The following FANCC variants were observed in gnomAD, a reference collection of about 807,000 sequenced individuals.
FANCC encodes Fanconi anemia group C protein.
In FANCC, 55 loss-of-function variants were observed where a neutral mutation model predicts 71.3. That is an observed-to-expected ratio of 0.77 (90% CI 0.62 to 0.97). The LOEUF (loss-of-function observed/expected upper bound fraction) is 0.97, where lower values mean the gene tolerates loss of function less well. Among genes scored for constraint, FANCC ranks in the 50% least tolerant of loss-of-function variants. FANCC has a pLI of 0.00. For missense variants in FANCC, 678 were observed against 670.9 expected (o/e 1.01, Z -0.12); for synonymous variants, 275 against 244.9 (o/e 1.12, Z -1.15).
At chr9:95,159,035 T>C (rs1484990664) in intron 6 of FANCC, among the ~76,000 whole-genome samples, 1 of 149,216 alleles carries the variant, frequency 6.7e-6, no homozygotes, top group African/African-American at 2.4e-5. Flanking sequence ...TTTTTGACCT[T>C]TTTTTTTTTA....
chr9:95,287,650 G>A (rs193215561), intron 1 of FANCC, among the ~76,000 whole-genome samples: 1 of 152,192 alleles, frequency 6.6e-6, no homozygotes, highest in Non-Finnish European at 1.5e-5. Context: ...TCAATCTGAT[G>A]ATGCTGGATG....
At chr9:95,224,198 G>A (rs1326461518) in intron 4 of FANCC, among the ~76,000 whole-genome samples, 1 of 152,062 alleles carries the variant, frequency 6.6e-6, no homozygotes, top group Non-Finnish European at 1.5e-5. Context: ...TACTTGATGG[G>A]TCTTTGCAAA....
At chr9:95,217,159 T>C (rs1828914317) in intron 4 of FANCC, among the ~76,000 whole-genome samples, 1 of 152,126 alleles carries the variant, frequency 6.6e-6, no homozygotes, top group Non-Finnish European at 1.5e-5. Context: ...CAGAAAGATA[T>C]GTGGAAAAGC....
chr9:95,136,409 T>C (rs1380013573), intron 7 of FANCC, among the ~76,000 whole-genome samples: 1 of 151,720 alleles, frequency 6.6e-6, no homozygotes, highest in Non-Finnish European at 1.5e-5. Context: ...ATTTCATATA[T>C]GGTAGTTATG....
intron 4 of FANCC, among the ~76,000 whole-genome samples, chr9:95,196,949 G>A (rs999849853): frequency 6.6e-6 from 1 of 152,098 alleles, no homozygotes; most frequent in Admixed American, 6.5e-5. Flanking sequence ...CCTTTCCCTG[G>A]ACTCTGACTG....
intron 1 of FANCC, among the ~76,000 whole-genome samples, chr9:95,290,727 T>C (rs994891159): frequency 2.6e-5 from 4 of 151,982 alleles, no homozygotes; most frequent in South Asian, 2.1e-4. Context: ...AAAAGACAAA[T>C]TGCTTTCAAG....
At chr9:95,109,103 CAG>C (rs761716970) in intron 13 of FANCC, among the ~76,000 whole-genome samples, 152 of 152,094 alleles carry the variant, frequency 1.0e-3, no homozygotes, top group Non-Finnish European at 1.8e-3. Flanking sequence ...TTTGTAGAGA[CAG>C]GGGTCTATGT....
At chr9:95,191,279 GGCCCAGCCCA>G (rs546493500) in intron 4 of FANCC, among the ~76,000 whole-genome samples, 6 of 150,122 alleles carry the variant, frequency 4.0e-5, no homozygotes, top group East Asian at 2.0e-4. Context: ...AACCTCACAA[GGCCCAGCCCA>G]GCCCAGCCCA....
At chr9:95,105,624 C>T (rs1441005619) in intron 14 of FANCC, among the ~76,000 whole-genome samples, 1 of 152,134 alleles carries the variant, frequency 6.6e-6, no homozygotes, top group African/African-American at 2.4e-5. Context: ...GTCTCCTGCC[C>T]CTTTCCATGA....
chr9:95,293,712 C>G, intron 1 of FANCC: 8 of 1,613,726 alleles, frequency 5.0e-6, no homozygotes, highest in Non-Finnish European at 6.8e-6. Context: ...CATTAGTGTT[C>G]ACACTCAGAC....
At chr9:95,298,589 CTG>C (rs1415887553) in intron 1 of FANCC, among the ~76,000 whole-genome samples, 2 of 152,158 alleles carry the variant, frequency 1.3e-5, no homozygotes, top group Non-Finnish European at 2.9e-5. Flanking sequence ...GATGGCTCAG[CTG>C]GCCTGTGAAC....
intron 7 of FANCC, among the ~76,000 whole-genome samples, chr9:95,139,146 A>C (rs1828183574): frequency 6.6e-6 from 1 of 152,250 alleles, no homozygotes; most frequent in Non-Finnish European, 1.5e-5. Context: ...GCTTTAAATA[A>C]AAAGGCAAAT....
intron 12 of FANCC, among the ~76,000 whole-genome samples, chr9:95,111,868 T>C (rs1299353151): frequency 6.6e-6 from 1 of 152,142 alleles, no homozygotes; most frequent in Non-Finnish European, 1.5e-5. Flanking sequence ...CTGAGGCCTT[T>C]GGACATCGGA....
At chr9:95,291,947 C>CAAAAAAAAAAAAAAAAAAAAA (rs775436297) in intron 1 of FANCC, among the ~76,000 whole-genome samples, 1 of 40,822 alleles carries the variant, frequency 2.4e-5, no homozygotes, top group Non-Finnish European at 4.1e-5. Context: ...GACTCTGTCT[C>CAAAAAAAAAAAAAAAAAAAAA]AAAAAAAAAA....
chr9:95,248,317 T>C (rs886202681), intron 2 of FANCC, among the ~76,000 whole-genome samples: 3 of 152,188 alleles, frequency 2.0e-5, no homozygotes, highest in African/African-American at 7.2e-5. Flanking sequence ...AGCCTGGTCC[T>C]ACACTTTTTG....
intron 1 of FANCC, among the ~76,000 whole-genome samples, chr9:95,306,462 T>C (rs1042635758): frequency 1.3e-5 from 2 of 152,158 alleles, no homozygotes; most frequent in Non-Finnish European, 2.9e-5. Flanking sequence ...AAAGACTTGC[T>C]TAACAATGCT....
chr9:95,121,426 C>T (rs1360867931), intron 10 of FANCC, among the ~76,000 whole-genome samples: 1 of 152,192 alleles, frequency 6.6e-6, no homozygotes, highest in African/African-American at 2.4e-5. Flanking sequence ...TAAACTGTTG[C>T]AGGAAGTGCA....
chr9:95,184,965 C>T (rs1826620397), intron 4 of FANCC, among the ~76,000 whole-genome samples: 1 of 152,214 alleles, frequency 6.6e-6, no homozygotes, highest in Admixed American at 6.5e-5. Context: ...ACCTATAATA[C>T]TGAGATGTCT....
chr9:95,101,918 A>G, intron 14 of FANCC, 68 bp from the exon 15 acceptor site: 1 of 1,578,854 alleles, frequency 6.3e-7, no homozygotes, highest in Non-Finnish European at 8.7e-7. Flanking sequence ...TTGTCCAGGG[A>G]CGGACCATAA....
Sources: gnomAD v4.1 joint callset for allele counts (sites outside exome capture counted in the v4.1 genomes callset) on GRCh38, gnomAD v4.1.1 for gene constraint, MANE v1.5 for transcripts, NCBI Gene and HGNC (gene_info 2026-07-23, HGNC 2026-07-21) for gene names.